NEIL2: variants seen among roughly 807,000 people sequenced by gnomAD.
NEIL2 encodes nei like DNA glycosylase 2, also known as endonuclease 8-like 2.
A neutral mutation model predicts 22.2 loss-of-function variants in NEIL2; 23 were observed. The observed-to-expected ratio is 1.04, with a 90% CI of 0.75 to 1.47. The LOEUF is 1.47. Ranked by LOEUF, NEIL2 falls within the 40% of genes most tolerant of loss-of-function variation. The pLI, the probability that NEIL2 is intolerant of heterozygous loss-of-function variation, is 0.00. For missense variants in NEIL2, 583 were observed against 404.7 expected, an observed-to-expected ratio of 1.44 and a Z score of -3.78; for synonymous variants, 229 against 164.8, an observed-to-expected ratio of 1.39 and a Z score of -2.99.
chr8:11,785,541 C>G (rs1804837308), intron 4 of NEIL2, among the ~76,000 whole-genome samples: 1 of 152,182 alleles, frequency 6.6e-6, no homozygotes, highest in Admixed American at 6.5e-5. Context: ...TACATACCAG[C>G]CACTGTGCTC....
Position 11,769,880 on chromosome 8 carries a change from C to T in NEIL2, c.-458C>T, listed in dbSNP as rs923393746. 1 of 152,302 alleles carries T rather than the reference C, an allele frequency of 6.6e-6. No homozygotes were observed. The highest frequency in any genetic ancestry group is 2.1e-4 in the South Asian group (1 of 4,834). 9.4% of individuals were successfully genotyped at this position (152,302 alleles called of 1,614,324 possible). The stretch of plus-strand genomic sequence containing the variant: ...GAAGGGAGGGCGGGCCCCGGGCCCT[C>T]CTCCGTCTCAGCCGCCTGCGGAGGT... On this transcript the variant is annotated 5_prime_UTR_variant, in exon 1 of 5. Transcript: ENST00000284503.
intron 3 of NEIL2, chr8:11,782,795 T>G: frequency 3.1e-6 from 1 of 323,936 alleles, no homozygotes; most frequent in Admixed American, 4.5e-5. Flanking sequence ...GGGATGTGTG[T>G]ATGTGTGTAT....
intron 2 of NEIL2, among the ~76,000 whole-genome samples, chr8:11,777,438 C>T (rs997669148): frequency 1.3e-5 from 2 of 150,020 alleles, no homozygotes; most frequent in Non-Finnish European, 3.0e-5. Flanking sequence ...GTATATAGTT[C>T]AGTCATGTTA....
chr8:11,770,857 C>CT (rs1803374728), intron 1 of NEIL2, among the ~76,000 whole-genome samples: 1 of 152,148 alleles, frequency 6.6e-6, no homozygotes, highest in Admixed American at 6.5e-5. Context: ...AGATAACTGT[C>CT]TGTAGCTATG....
chr8:11,781,042 A>G (rs1330313400), intron 3 of NEIL2, among the ~76,000 whole-genome samples: 1 of 151,970 alleles, frequency 6.6e-6, no homozygotes, highest in Non-Finnish European at 1.5e-5. Flanking sequence ...AACGGTGGGT[A>G]TTTTTCTTGG....
At chr8:11,781,931 G>A (rs922103208) in intron 3 of NEIL2, among the ~76,000 whole-genome samples, 4 of 152,004 alleles carry the variant, frequency 2.6e-5, no homozygotes, top group Non-Finnish European at 5.9e-5. Context: ...GGGTGTGGGG[G>A]TGCATACCTG....
At chr8:11,775,559 T>G (rs552674843) in intron 2 of NEIL2, among the ~76,000 whole-genome samples, 1 of 152,246 alleles carries the variant, frequency 6.6e-6, no homozygotes, top group African/African-American at 2.4e-5. Flanking sequence ...TAGTTACTTA[T>G]GCAAATTTCT....
chr8:11,779,980 G>A (rs373921166), intron 3 of NEIL2, 30 bp downstream of exon 3: 33 of 1,584,664 alleles, frequency 2.1e-5, no homozygotes, highest in Non-Finnish European at 2.7e-5. Flanking sequence ...ATTTTCGTGG[G>A]CTCTGATAGT....
intron 2 of NEIL2, among the ~76,000 whole-genome samples, chr8:11,777,872 A>C (rs981079108): frequency 6.6e-6 from 1 of 152,242 alleles, no homozygotes; most frequent in Non-Finnish European, 1.5e-5. Context: ...GCATTATTCC[A>C]TTCAGGAGGC....
chr8:11,785,552 A>G (rs1011956001), intron 4 of NEIL2, among the ~76,000 whole-genome samples: 15 of 152,244 alleles, frequency 9.9e-5, no homozygotes, highest in Non-Finnish European at 2.2e-4. Context: ...CACTGTGCTC[A>G]GCGTCTTTTG....
chr8:11,785,315 C>T (rs966928721), intron 4 of NEIL2, among the ~76,000 whole-genome samples: 2 of 152,216 alleles, frequency 1.3e-5, no homozygotes, highest in Non-Finnish European at 2.9e-5. Flanking sequence ...CCTACCTCAG[C>T]CACCTGAGTA....
intron 3 of NEIL2, among the ~76,000 whole-genome samples, chr8:11,780,967 C>T (rs113219440): frequency 6.6e-6 from 1 of 151,996 alleles, no homozygotes; most frequent in East Asian, 1.9e-4. Context: ...TCAAGTCTGT[C>T]CTCTGTCCTT....
intron 1 of NEIL2, among the ~76,000 whole-genome samples, chr8:11,771,116 G>A (rs970741070): frequency 1.3e-5 from 2 of 152,154 alleles, no homozygotes; most frequent in Admixed American, 1.3e-4. Flanking sequence ...AGTAACAAAG[G>A]CCAGCTCCTG....
rs544359327 is a variant in NEIL2, at chr8:11,786,462, C to G, written c.*189C>G. The G allele has an allele frequency of 3.2e-6, 2 of 628,914 alleles. No individual in the cohort carries two copies. Among genetic ancestry groups the G allele is most frequent in the East Asian group, 5.5e-5 (2 of 36,264 alleles). The allele number at this position is 628,914 out of a possible 1,614,324, so 39.0% of individuals were successfully genotyped here. On this transcript the variant is annotated 3_prime_UTR_variant, in exon 5 of 5. Coordinates refer to ENST00000284503, the MANE Select transcript of NEIL2 (RefSeq NM_145043.4). ...TTCATAGGGTTAGATTTTTTTTATC[C>G]TTTTCTAGTTCAGTTAATTCATCCT...
At position 11,786,421 on chromosome 8, in the gene NEIL2, T is replaced by C. The variant is rs1047023140; in HGVS notation, c.*148T>C. The C allele has an allele frequency of 4.6e-5, 35 of 762,396 alleles. No individual in the cohort carries two copies. The highest frequency in any genetic ancestry group is 6.7e-5 in the Non-Finnish European group (30 of 444,582). The allele number at this position is 762,396 out of a possible 1,614,324, so 47.2% of individuals were successfully genotyped here. ...TATAATATTCGTCTCCCTGGAGTTATGTTGAAGGCAGAGTTTTCATAGGGT... is the reference window on the plus strand; with the variant it reads ...TATAATATTCGTCTCCCTGGAGTTACGTTGAAGGCAGAGTTTTCATAGGGT... On this transcript the variant is annotated 3_prime_UTR_variant, in exon 5 of 5. Transcript: ENST00000284503.
intron 2 of NEIL2, among the ~76,000 whole-genome samples, chr8:11,773,982 G>A (rs1319642603): frequency 6.6e-6 from 1 of 152,176 alleles, no homozygotes; most frequent in Non-Finnish European, 1.5e-5. Flanking sequence ...GTTCTGCATG[G>A]CTGGGGAGGC....
Position 11,782,788 on chromosome 8 carries a change from A to T in NEIL2, c.492-415A>T, listed in dbSNP as rs2130525935. 1.4e-5 allele frequency: 4 copies of T among 280,916 alleles called. No homozygotes were observed. In the South Asian group the frequency reaches 1.5e-4, roughly 11 times the overall value. 17.4% of individuals were successfully genotyped at this position (280,916 alleles called of 1,614,324 possible). A position where few individuals can be genotyped will look rare whatever the true frequency, so the allele number is the denominator to read the frequency against. ...ACTACGTTGTGGTAACGATGTGGGGATGTGTGTATGTGTGTATGATCCAGC... is the reference window on the plus strand; with the variant it reads ...ACTACGTTGTGGTAACGATGTGGGGTTGTGTGTATGTGTGTATGATCCAGC... On this transcript the variant is annotated intron_variant, in intron 3 of 4. Coordinates refer to ENST00000284503, the MANE Select transcript of NEIL2 (RefSeq NM_145043.4).
chr8:11,781,103 A>G (rs1804381751), intron 3 of NEIL2, among the ~76,000 whole-genome samples: 1 of 152,160 alleles, frequency 6.6e-6, no homozygotes, highest in South Asian at 2.1e-4. Flanking sequence ...CTGCCCCCAG[A>G]GAAAGTCACA....
At position 11,786,303 on chromosome 8, in the gene NEIL2, G is replaced by C. The variant is rs752878841; in HGVS notation, c.*30G>C. The C allele has an allele frequency of 2.2e-5, 35 of 1,587,642 alleles. No individual in the cohort carries two copies. In the Admixed American group the frequency reaches 5.9e-4, roughly 27 times the overall value. On this transcript the variant is annotated 3_prime_UTR_variant, in exon 5 of 5. Transcript: ENST00000284503. ...CTGGTGGTGCTCCTCACGGAACCTT[G>C]CCGCTTGGGGAACCTGACGTCTAAG...
Sources: allele counts gnomAD v4.1 joint callset (sites outside exome capture counted in the v4.1 genomes callset), GRCh38; gene constraint gnomAD v4.1.1; transcripts MANE v1.5; gene names NCBI Gene and HGNC (gene_info 2026-07-23, HGNC 2026-07-21).